Variants in PGGT1B observed in about 807,000 individuals in gnomAD.
PGGT1B encodes geranylgeranyl transferase type-1 subunit beta.
PGGT1B carries 30 observed loss-of-function variants against 46.1 expected under a neutral mutation model. The ratio of observed to expected loss-of-function variants is 0.65; its 90% CI spans 0.49 to 0.88. The LOEUF is 0.88. Ranked by LOEUF, PGGT1B falls within the 40% of genes least tolerant of loss-of-function variation. The pLI is 0.00. For synonymous variants in PGGT1B, 170 were observed against 160.0 expected (o/e 1.06, Z -0.47); for missense variants, 376 against 455.9 (o/e 0.82, Z 1.60).
intron 5 of PGGT1B, among the ~76,000 whole-genome samples, chr5:115,233,106 G>A (rs142571033): frequency 4.9e-4 from 74 of 151,986 alleles, no homozygotes; most frequent in Middle Eastern, 3.4e-3. Flanking sequence ...ACTCTGAGAT[G>A]AAAATACAGC....
chr5:115,257,737 T>C (rs1219194502), intron 1 of PGGT1B, among the ~76,000 whole-genome samples: 1 of 152,192 alleles, frequency 6.6e-6, no homozygotes, highest in Non-Finnish European at 1.5e-5. Context: ...TCTTAAACAA[T>C]GGACTACATT....
At chr5:115,262,436 G>A (rs745718810) in intron 1 of PGGT1B, 4 of 467,550 alleles carry the variant, frequency 8.6e-6, no homozygotes, top group African/African-American at 5.9e-5. Flanking sequence ...ACAGGCTATG[G>A]GAGCGGGTAA....
chr5:115,213,215 A>G (rs1331439666), intron 8 of PGGT1B, among the ~76,000 whole-genome samples: 1 of 152,190 alleles, frequency 6.6e-6, no homozygotes, highest in Non-Finnish European at 1.5e-5. Context: ...CTCACATTCT[A>G]TTTGGTTGAA....
intron 7 of PGGT1B, among the ~76,000 whole-genome samples, chr5:115,219,098 G>T (rs1287935236): frequency 6.6e-6 from 1 of 151,834 alleles, no homozygotes; most frequent in Non-Finnish European, 1.5e-5. Flanking sequence ...AAATGGGAAA[G>T]TCAATTACCA....
chr5:115,223,780 A>AT (rs1454467723), intron 6 of PGGT1B, among the ~76,000 whole-genome samples: 31 of 152,376 alleles, frequency 2.0e-4, no homozygotes, highest in African/African-American at 6.7e-4. Flanking sequence ...ATTTTTCCAT[A>AT]TAAGAAAACA....
chr5:115,258,265 T>G (rs997585250), intron 1 of PGGT1B, among the ~76,000 whole-genome samples: 1 of 152,200 alleles, frequency 6.6e-6, no homozygotes, highest in African/African-American at 2.4e-5. Flanking sequence ...CCAGACCAGA[T>G]AGCAGTTCCA....
intron 2 of PGGT1B, among the ~76,000 whole-genome samples, chr5:115,245,261 T>C (rs1308247690): frequency 6.6e-6 from 1 of 152,246 alleles, no homozygotes; most frequent in Non-Finnish European, 1.5e-5. Flanking sequence ...GTGAAATAAA[T>C]GAATTTATTC....
chr5:115,235,725 A>C (rs1757160005), intron 5 of PGGT1B, among the ~76,000 whole-genome samples: 1 of 152,102 alleles, frequency 6.6e-6, no homozygotes, highest in Non-Finnish European at 1.5e-5. Flanking sequence ...GCTGTTGTGG[A>C]ATCTACAAAA....
chr5:115,235,134 G>A (rs1044611708), intron 5 of PGGT1B, among the ~76,000 whole-genome samples: 4 of 152,000 alleles, frequency 2.6e-5, no homozygotes, highest in Non-Finnish European at 5.9e-5. Flanking sequence ...AGGGTAACAT[G>A]TCAAAAGGGC....
chr5:115,254,481 ACTTGTGG>A (rs1393178923), intron 1 of PGGT1B, among the ~76,000 whole-genome samples: 1 of 151,786 alleles, frequency 6.6e-6, no homozygotes, highest in Non-Finnish European at 1.5e-5. Context: ...GGAATTTTTC[ACTTGTGG>A]CTTCATGTCA....
chr5:115,227,131 G>A (rs1192724563), intron 6 of PGGT1B, among the ~76,000 whole-genome samples: 2 of 152,050 alleles, frequency 1.3e-5, no homozygotes, highest in Non-Finnish European at 2.9e-5. Context: ...ATAAACTAAG[G>A]GACTTAATTG....
rs570602557 is a variant in PGGT1B at position 115,240,407 on chromosome 5, G to A, written c.327+1132C>T. ...CTATATAACGGTCATCATAACTAGT[G>A]GCACGATATTCTGTTCATTATGACT... On this transcript the variant is annotated intron_variant, in intron 3 of 8. Transcript: ENST00000419445. 3.3e-5 allele frequency among the ~76,000 whole-genome samples: 5 copies of A among 152,218 alleles called. No homozygotes were observed. The South Asian group carries it at 1.0e-3, about 32-fold the overall frequency.
chr5:115,219,925 A>C (rs1264554308), intron 7 of PGGT1B, among the ~76,000 whole-genome samples: 3 of 151,900 alleles, frequency 2.0e-5, no homozygotes, highest in Non-Finnish European at 4.4e-5. Flanking sequence ...ATATATATAC[A>C]TAAAAACAAA....
At position 115,253,207 on chromosome 5, in the gene PGGT1B, G is replaced by A. The variant is rs200476947; in HGVS notation, c.189C>T (p.Ser63=). The change falls in exon 2 of 9, where the codon TCC becomes TCT. Residue 63 remains serine (S), a synonymous_variant. Transcript: ENST00000419445. ...TATCATCTTTGTTCACCACATCTAA[G>A]GAATCCAACATATCCAGCCCGGAGA... ...FALSGLDMLD[S]LDVVNKDDII... 16 of 1,600,118 alleles carry A rather than the reference G, an allele frequency of 1.0e-5. No homozygotes were observed. The Admixed American group carries it at 2.1e-4, about 21-fold the overall frequency.
chr5:115,248,811 T>G (rs529183538), intron 2 of PGGT1B, among the ~76,000 whole-genome samples: 2 of 152,312 alleles, frequency 1.3e-5, no homozygotes, highest in Non-Finnish European at 2.9e-5. Flanking sequence ...CTGAATCACT[T>G]TGCGTCTCAG....
chr5:115,235,369 A>G (rs1477167066), intron 5 of PGGT1B, among the ~76,000 whole-genome samples: 2 of 152,086 alleles, frequency 1.3e-5, no homozygotes, highest in Non-Finnish European at 2.9e-5. Context: ...CTGGAAAATC[A>G]TCAATGCATA....
At chr5:115,253,365 C>A (rs1014494044) in intron 1 of PGGT1B, 110 bp from the exon 2 acceptor site, 1 of 903,106 alleles carries the variant, frequency 1.1e-6, no homozygotes, top group South Asian at 2.0e-5. Context: ...ATAATTTAAA[C>A]AATACTTCCA....
At chr5:115,215,079 A>G (rs936276369) in intron 8 of PGGT1B, among the ~76,000 whole-genome samples, 2 of 151,922 alleles carry the variant, frequency 1.3e-5, no homozygotes, top group African/African-American at 4.8e-5. Flanking sequence ...GCTCACTGCA[A>G]CCTCCACCTC....
rs142270396 is a variant in PGGT1B at position 115,214,088 on chromosome 5, A to C, written c.953-1505T>G. 5.6e-3 allele frequency among the ~76,000 whole-genome samples: 850 copies of C among 152,320 alleles called. 6 individuals carry two copies. Among genetic ancestry groups the C allele is most frequent in the Non-Finnish European group, 9.2e-3 (627 of 68,016 alleles). On this transcript the variant is annotated intron_variant, in intron 8 of 8. Coordinates refer to ENST00000419445, the MANE Select transcript of PGGT1B (RefSeq NM_005023.4). The stretch of plus-strand genomic sequence containing the variant: ...TTATTCTAAAACTACAAAGGGTACA[A>C]AGCAACATTAAGCTTTGTTTTCTAG...
Sources: allele counts gnomAD v4.1 joint callset (sites outside exome capture counted in the v4.1 genomes callset), GRCh38; gene constraint gnomAD v4.1.1; transcripts MANE v1.5; gene names NCBI Gene and HGNC (gene_info 2026-07-23, HGNC 2026-07-21).